ACSF3: variants seen among roughly 807,000 people sequenced by gnomAD.
The protein encoded by ACSF3 is acyl-CoA synthetase family member 3, also known as malonate--CoA ligase ACSF3, mitochondrial.
Under a neutral mutation model 53.2 loss-of-function variants are expected in ACSF3, and 78 were observed. The ratio of observed to expected loss-of-function variants is 1.47; its 90% CI spans 1.22 to 1.77. ACSF3 has a LOEUF of 1.77. Ranked by LOEUF, ACSF3 falls within the 40% of genes most tolerant of loss-of-function variation. The pLI, the probability that ACSF3 is intolerant of heterozygous loss-of-function variation, is 0.00. For missense variants in ACSF3, 937 were observed against 771.1 expected, an observed-to-expected ratio of 1.22 and a Z score of -2.55; for synonymous variants, 414 against 333.1, an observed-to-expected ratio of 1.24 and a Z score of -2.65.
chr16:89,128,559 C>G (rs1228042848), intron 7 of ACSF3, among the ~76,000 whole-genome samples: 2 of 152,148 alleles, frequency 1.3e-5, no homozygotes, highest in Non-Finnish European at 2.9e-5. Flanking sequence ...CACGCCTGAC[C>G]TAAATTTTGA....
chr16:89,137,619 C>CT (rs1910876593), intron 8 of ACSF3, among the ~76,000 whole-genome samples: 1 of 129,050 alleles, frequency 7.7e-6, no homozygotes, highest in South Asian at 2.3e-4. Context: ...CCCCAGGTCC[C>CT]GGGAGGACCA....
chr16:89,104,571 G>A (rs372510635), intron 4 of ACSF3, among the ~76,000 whole-genome samples: 1 of 152,180 alleles, frequency 6.6e-6, no homozygotes, highest in Admixed American at 6.5e-5. Context: ...ATTTCGCCAG[G>A]AAGGGGTCCC....
intron 8 of ACSF3, among the ~76,000 whole-genome samples, chr16:89,135,071 G>GA (rs1910138563): frequency 8.6e-6 from 1 of 115,640 alleles, no homozygotes. Flanking sequence ...TCTTTTCCTG[G>GA]TTTTTTTTTT....
intron 8 of ACSF3, 69 bp downstream of exon 8, chr16:89,133,331 T>C (rs998330921): frequency 1.2e-5 from 19 of 1,601,748 alleles, no homozygotes; most frequent in African/African-American, 1.3e-5. Context: ...GCTGCCCACG[T>C]TGAGTGACAC....
chr16:89,110,399 A>G lies in ACSF3; in HGVS notation c.823-1693A>G, dbSNP rs572871545. Among the ~76,000 whole-genome samples, 6 of 152,302 alleles carry G rather than the reference A, an allele frequency of 3.9e-5. No individual in the cohort carries two copies. In the East Asian group the frequency reaches 9.6e-4, roughly 24 times the overall value. On this transcript the variant is annotated intron_variant, in intron 4 of 10. Transcript: ENST00000614302. ...AGTGTGTCAGTGCCATTTGTGAGAA[A>G]GATTATCCTTTTGTCCTTTTCCCTA...
At chr16:89,128,983 A>T (rs933782421) in intron 7 of ACSF3, among the ~76,000 whole-genome samples, 2 of 114,896 alleles carry the variant, frequency 1.7e-5, no homozygotes, top group African/African-American at 6.3e-5. Context: ...AAAAAAAAAA[A>T]TAGCTGGGCA....
intron 10 of ACSF3, chr16:89,148,118 T>C (rs1913455594): frequency 6.7e-6 from 1 of 149,850 alleles, no homozygotes. Flanking sequence ...TTTTTTTTTT[T>C]TTTTGAGACG....
At position 89,099,572 on chromosome 16, in the gene ACSF3, G is replaced by A. The variant is rs181827157; in HGVS notation, c.-21+809G>A. On this transcript the variant is annotated intron_variant, in intron 2 of 10. Transcript: ENST00000614302. ...AAGGTGAGTGGATCACCGGAGGTCA[G>A]GAGTTGGAGACCAGTCTGGTCAACA... 2.9e-3 allele frequency among the ~76,000 whole-genome samples: 440 copies of A among 152,300 alleles called. 2 individuals are homozygous for A. The highest frequency in any genetic ancestry group is 0.01 in the African/African-American group (420 of 41,544).
chr16:89,117,192 T>G (rs538317045), intron 6 of ACSF3, among the ~76,000 whole-genome samples: 12 of 152,312 alleles, frequency 7.9e-5, no homozygotes, highest in African/African-American at 2.6e-4. Flanking sequence ...CTGCACAGTT[T>G]GTAGTTCATG....
chr16:89,113,274 C>G (rs1312211743), intron 5 of ACSF3: 1 of 152,364 alleles, frequency 6.6e-6, no homozygotes, highest in Non-Finnish European at 1.5e-5. Flanking sequence ...CTGCCGCGCG[C>G]TCCTCCCAGT....
chr16:89,149,171 C>G (rs140185190), intron 10 of ACSF3: 38 of 152,216 alleles, frequency 2.5e-4, no homozygotes, highest in African/African-American at 7.7e-4. Context: ...TTGTCCATAT[C>G]GCTATTAGCA....
rs374862896 is a variant in ACSF3, at chr16:89,145,142, C to G, written c.1367-125C>G. 4.0e-4 allele frequency: 636 copies of G among 1,608,658 alleles called. 5 individuals are homozygous for G. The African/African-American group carries it at 7.3e-3, about 18-fold the overall frequency. On this transcript the variant is annotated intron_variant, in intron 8 of 10. Coordinates refer to ENST00000614302, the MANE Select transcript of ACSF3 (RefSeq NM_001243279.3). ...GTTGGGGTTGCCACAGGGTAGTAAC[C>G]AGAGCCCCCTTTCCTCAGAGGACAC...
chr16:89,135,071 G>GT (rs76337118), intron 8 of ACSF3, among the ~76,000 whole-genome samples: 7,105 of 115,562 alleles, frequency 0.061, 586 homozygotes, highest in African/African-American at 0.19. Context: ...TCTTTTCCTG[G>GT]TTTTTTTTTT....
At chr16:89,138,646 C>T (rs1911113170) in intron 8 of ACSF3, among the ~76,000 whole-genome samples, 1 of 152,242 alleles carries the variant, frequency 6.6e-6, no homozygotes, top group Admixed American at 6.5e-5. Context: ...TATGTCCACG[C>T]TGACAGCTCC....
intron 1 of ACSF3, among the ~76,000 whole-genome samples, chr16:89,096,930 G>A (rs1480675682): frequency 6.6e-6 from 1 of 152,254 alleles, no homozygotes; most frequent in Non-Finnish European, 1.5e-5. Context: ...CCCACCCACA[G>A]GCAGCGCTCT....
At chr16:89,101,981 C>T (rs896206657) in intron 3 of ACSF3, among the ~76,000 whole-genome samples, 5 of 152,200 alleles carry the variant, frequency 3.3e-5, no homozygotes, top group African/African-American at 9.6e-5. Flanking sequence ...TCGGGAGGGA[C>T]GGGCTCTGGA....
intron 4 of ACSF3, among the ~76,000 whole-genome samples, chr16:89,109,403 C>CTTTTT (rs1216544572): frequency 2.0e-5 from 1 of 50,648 alleles, no homozygotes; most frequent in African/African-American, 8.1e-5. Context: ...TGATGTTAAG[C>CTTTTT]TTTTTTTTTT....
intron 7 of ACSF3, among the ~76,000 whole-genome samples, chr16:89,121,378 G>A (rs935591066): frequency 2.6e-5 from 4 of 152,192 alleles, no homozygotes; most frequent in Non-Finnish European, 4.4e-5. Context: ...GGAGATTCAC[G>A]GGGCCCTGCA....
chr16:89,096,105 C>T (rs527718124), intron 1 of ACSF3, among the ~76,000 whole-genome samples: 2 of 152,138 alleles, frequency 1.3e-5, no homozygotes, highest in African/African-American at 2.4e-5. Context: ...GGTTCCAGTA[C>T]GCCTTCACCA....
Sources: gnomAD v4.1 joint callset for allele counts (sites outside exome capture counted in the v4.1 genomes callset) on GRCh38, gnomAD v4.1.1 for gene constraint, MANE v1.5 for transcripts, NCBI Gene and HGNC (gene_info 2026-07-23, HGNC 2026-07-21) for gene names.